Variants in FBXO42 observed in about 807,000 individuals in gnomAD.
FBXO42 encodes the protein F-box protein 42.
FBXO42 carries 12 observed loss-of-function variants against 71.7 expected under a neutral mutation model. That is an observed-to-expected ratio of 0.17 (90% confidence interval 0.11 to 0.27). FBXO42 has a LOEUF of 0.27. Among genes scored for constraint, FBXO42 ranks in the 10% least tolerant of loss-of-function variants. FBXO42 has a pLI of 1.00. For synonymous variants in FBXO42, 325 were observed against 327.5 expected (o/e 0.99, Z 0.08); for missense variants, 707 against 911.9 (o/e 0.78, Z 2.89).
chr1:16,282,586 T>A (rs140435201), intron 4 of FBXO42, among the ~76,000 whole-genome samples: 5 of 151,252 alleles, frequency 3.3e-5, no homozygotes, highest in African/African-American at 1.2e-4. Context: ...GGCTCATGCC[T>A]AAAATCCTAG....
intron 2 of FBXO42, among the ~76,000 whole-genome samples, chr1:16,309,898 A>C (rs2082293922): frequency 6.6e-6 from 1 of 151,898 alleles, no homozygotes; most frequent in Non-Finnish European, 1.5e-5. Context: ...TTTTGTTCTT[A>C]CTAAAAACAA....
intron 4 of FBXO42, among the ~76,000 whole-genome samples, chr1:16,260,016 C>T (rs1213292826): frequency 1.3e-5 from 2 of 152,042 alleles, no homozygotes; most frequent in African/African-American, 2.4e-5. Flanking sequence ...TATTTAATAG[C>T]GGTATTTTAG....
At chr1:16,344,607 A>G (rs569871370) in intron 1 of FBXO42, among the ~76,000 whole-genome samples, 3 of 150,796 alleles carry the variant, frequency 2.0e-5, no homozygotes, top group African/African-American at 7.3e-5. Flanking sequence ...AAGTGCTGGG[A>G]TTACAGGCGT....
chr1:16,291,865 TCTCA>T (rs1194842899), intron 4 of FBXO42, among the ~76,000 whole-genome samples: 3 of 152,136 alleles, frequency 2.0e-5, no homozygotes, highest in African/African-American at 7.2e-5. Flanking sequence ...AGAGACAGGG[TCTCA>T]CTATGTTACC....
At position 16,268,782 on chromosome 1, in the gene FBXO42, G is replaced by A. The variant is rs1396353758; in HGVS notation, c.503-12023C>T. Among the ~76,000 whole-genome samples, 3 of 152,086 alleles carry A rather than the reference G, an allele frequency of 2.0e-5. No individual in the cohort carries two copies. The East Asian group carries it at 5.9e-4, about 30-fold the overall frequency. On this transcript the variant is annotated intron_variant, in intron 4 of 9. Transcript: ENST00000375592. The stretch of plus-strand genomic sequence containing the variant: ...AGTTCAAGATCAGCCTGACCAACAT[G>A]GAGAAACCCCGTCTCTACTAAAAAC...
At chr1:16,347,649 G>A (rs1331297319) in intron 1 of FBXO42, among the ~76,000 whole-genome samples, 2 of 151,932 alleles carry the variant, frequency 1.3e-5, no homozygotes, top group Non-Finnish European at 2.9e-5. Context: ...GAGATCAGGA[G>A]CTCCAGACCA....
chr1:16,250,752 AAT>A lies in FBXO42; in HGVS notation c.2070_2071del (p.Phe691TrpfsTer47). The A allele has an allele frequency of 6.2e-7, 1 of 1,614,156 alleles. No homozygotes were observed. The highest frequency in any genetic ancestry group is 8.5e-7 in the Non-Finnish European group (1 of 1,180,022). ...CTGTTTCTTGTCCATGAGTCCTCCA[AAT>A]ATGATGAGTTCACCCCTGCCTTGTA... On this transcript the variant is annotated frameshift_variant, in exon 10 of 10. Coordinates refer to ENST00000375592, the MANE Select transcript of FBXO42 (RefSeq NM_018994.3). LOFTEE classifies it high-confidence loss of function. This position sits in a 1 kb window ranked among gnomAD's most constrained non-coding sequence, Gnocchi z 4.7.
intron 4 of FBXO42, among the ~76,000 whole-genome samples, chr1:16,275,476 G>A (rs1026892117): frequency 6.6e-6 from 1 of 152,024 alleles, no homozygotes; most frequent in Non-Finnish European, 1.5e-5. Flanking sequence ...TAAAATAGCT[G>A]GGCATAGTGG....
intron 6 of FBXO42, among the ~76,000 whole-genome samples, chr1:16,255,008 A>G (rs2081625158): frequency 1.3e-5 from 2 of 152,054 alleles, no homozygotes; most frequent in South Asian, 4.1e-4. Context: ...AGGGCCCACC[A>G]TTTCCACTTG....
chr1:16,286,333 T>C (rs954757271), intron 4 of FBXO42, among the ~76,000 whole-genome samples: 1 of 152,270 alleles, frequency 6.6e-6, no homozygotes, highest in South Asian at 2.1e-4. Flanking sequence ...TCCGCATTGC[T>C]GGGAGGCCTC....
At position 16,283,494 on chromosome 1, in the gene FBXO42, G is replaced by GTTTTTTTTTTTTTTTTTTTTTTTTT. The variant is rs386366300; in HGVS notation, c.502+11288_502+11289insAAAAAAAAAAAAAAAAAAAAAAAAA. 9.9e-5 allele frequency among the ~76,000 whole-genome samples: 8 copies of GTTTTTTTTTTTTTTTTTTTTTTTTT among 80,986 alleles called. 2 individuals carry two copies. Among genetic ancestry groups the GTTTTTTTTTTTTTTTTTTTTTTTTT allele is most frequent in the African/African-American group, 2.7e-4 (6 of 22,486 alleles). The allele number at this position is 80,986 out of a possible 152,430, so 53.1% of individuals were successfully genotyped here. On this transcript the variant is annotated intron_variant, in intron 4 of 9. Transcript: ENST00000375592. ...TTATAGACTCTTCTAACTGTGGCAA[G>GTTTTTTTTTTTTTTTTTTTTTTTTT]TTTTTTTTTTTTTTTTTTTTTTTGA...
intron 1 of FBXO42, among the ~76,000 whole-genome samples, chr1:16,330,874 G>A (rs993876005): frequency 2.0e-5 from 3 of 152,050 alleles, no homozygotes; most frequent in South Asian, 2.1e-4. Flanking sequence ...CTCAAGAGGC[G>A]GAGGTTGCAG....
chr1:16,304,370 C>T (rs1210630321), intron 3 of FBXO42, among the ~76,000 whole-genome samples: 1 of 150,698 alleles, frequency 6.6e-6, no homozygotes, highest in East Asian at 2.0e-4. Flanking sequence ...CAGCCAACTT[C>T]AGCCTCCCAA....
In FBXO42 at chr1:16,296,243, C is replaced by T. The variant is rs75052916; in HGVS notation, c.368-1326G>A. Among the ~76,000 whole-genome samples the T allele has an allele frequency of 3.4e-3, 518 of 152,004 alleles. 3 individuals carry two copies. The highest frequency in any genetic ancestry group is 0.012 in the African/African-American group (495 of 41,458). On this transcript the variant is annotated intron_variant, in intron 3 of 9. Transcript: ENST00000375592. ...CTTTCCTTGCCATCCATTTCATGCA[C>T]GCAGGAGGTAAAAATAAAATAAAAT...
chr1:16,264,884 C>A (rs1051122445), intron 4 of FBXO42, among the ~76,000 whole-genome samples: 1 of 152,164 alleles, frequency 6.6e-6, no homozygotes, highest in Non-Finnish European at 1.5e-5. Flanking sequence ...TATAATTACA[C>A]GGCATTCTTG....
Position 16,251,844 on chromosome 1 carries a change from G to C in FBXO42, c.1039-59C>G. ...TATGATTCTGATTGTTCATTCAACT[G>C]TCAAACATTTTATCATGAGCATCTG... On this transcript the variant is annotated intron_variant, in intron 9 of 9. Coordinates refer to ENST00000375592, the MANE Select transcript of FBXO42 (RefSeq NM_018994.3). This position sits in a 1 kb window ranked among gnomAD's most constrained non-coding sequence, Gnocchi z 4.5. The C allele has an allele frequency of 1.9e-6, 3 of 1,538,784 alleles. No homozygotes were observed. Among genetic ancestry groups the C allele is most frequent in the South Asian group, 2.5e-5 (2 of 80,346 alleles).
At chr1:16,265,781 A>T (rs1177516476) in intron 4 of FBXO42, among the ~76,000 whole-genome samples, 28 of 66,370 alleles carry the variant, frequency 4.2e-4, no homozygotes, top group Admixed American at 3.6e-3. Context: ...AGTCCCTATT[A>T]AAAAAAAAAA....
In FBXO42 at chr1:16,352,464, G is replaced by A. The variant is rs1461530423; in HGVS notation, c.-227C>T. ...CGCCGCAGCTGCTGCTGCTCAGGCC[G>A]GGAGAAGACAGCGCAGAGCGCGCAT... On this transcript the variant is annotated 5_prime_UTR_variant, in exon 1 of 10. Coordinates refer to ENST00000375592, the MANE Select transcript of FBXO42 (RefSeq NM_018994.3). 7.5e-6 allele frequency: 3 copies of A among 397,398 alleles called. No homozygotes were observed. The highest frequency in any genetic ancestry group is 2.1e-5 in the African/African-American group (1 of 48,544). The allele number at this position is 397,398 out of a possible 1,614,324, so 24.6% of individuals were successfully genotyped here.
rs201669789 is a variant in FBXO42 at position 16,251,656 on chromosome 1, G to A, written c.1168C>T (p.Arg390Cys). Reference protein sequence around the residue: ...PALVPETREYRSQSPVRSMDE... With the variant: ...PALVPETREYCSQSPVRSMDE... ...ATGCTTCTTACTGGAGACTGAGAGCGGTACTCTCGGGTTTCAGGAACGAGA... is the reference window on the plus strand; with the variant it reads ...ATGCTTCTTACTGGAGACTGAGAGCAGTACTCTCGGGTTTCAGGAACGAGA... The change falls in exon 10 of 10, where the codon CGC (arginine) becomes TGC (cysteine). Residue 390 changes from arginine (R) to cysteine (C), a missense_variant. By Grantham distance (180) the Arg-to-Cys change is radical (BLOSUM62 -3). This residue lies in a region of FBXO42 where 482 missense variants were observed against 587.1 expected (regional missense o/e 0.82). Coordinates refer to ENST00000375592, the MANE Select transcript of FBXO42 (RefSeq NM_018994.3). This position sits in a 1 kb window ranked among gnomAD's most constrained non-coding sequence, Gnocchi z 4.5. 2.7e-5 allele frequency: 44 copies of A among 1,614,128 alleles called. No homozygotes were observed. The highest frequency in any genetic ancestry group is 1.1e-4 in the East Asian group (5 of 44,872).
Sources: allele counts gnomAD v4.1 joint callset (sites outside exome capture counted in the v4.1 genomes callset), GRCh38; gene constraint gnomAD v4.1.1; regional missense constraint gnomAD v4.1.1; non-coding constraint Gnocchi (gnomAD v3.1); transcripts MANE v1.5; gene names NCBI Gene and HGNC (gene_info 2026-07-23, HGNC 2026-07-21).